Variants in D2HGDH observed in about 807,000 individuals in gnomAD.
The protein encoded by D2HGDH is D-2-hydroxyglutarate dehydrogenase, also known as D-2-hydroxyglutarate dehydrogenase, mitochondrial.
In D2HGDH, 31 loss-of-function variants were observed where a neutral mutation model predicts 46.9. That is an observed-to-expected ratio of 0.66 (90% confidence interval 0.50 to 0.89). D2HGDH has a LOEUF of 0.89. Among genes scored for constraint, D2HGDH ranks in the 40% least tolerant of loss-of-function variants. The pLI is 0.00. For missense variants in D2HGDH, 698 were observed against 720.8 expected (o/e 0.97, Z 0.36); for synonymous variants, 364 against 332.6 (o/e 1.09, Z -1.03).
chr2:241,758,432 C>A (rs183246386), intron 9 of D2HGDH, among the ~76,000 whole-genome samples: 2 of 152,032 alleles, frequency 1.3e-5, no homozygotes, highest in Admixed American at 6.6e-5. Flanking sequence ...TAAAGTTGTT[C>A]GAATATTCTT....
chr2:241,755,067 G>A (rs770005647), intron 8 of D2HGDH: 1 of 1,302,886 alleles, frequency 7.7e-7, no homozygotes, highest in South Asian at 1.2e-5. Flanking sequence ...GAAGTTCGAA[G>A]CAAGCAAAAG....
Position 241,744,699 on chromosome 2 carries a change from T to G in D2HGDH, c.685-10T>G, listed in dbSNP as rs1276644163. On this transcript the variant is annotated splice_polypyrimidine_tract_variant and intron_variant, in intron 5 of 9. Transcript: ENST00000321264. ...GGCAGGTGGGTGAACGTGCTTCTCTTTGCCCCAAGGTGCTGGCCGACGGCA... is the reference window on the plus strand; with the variant it reads ...GGCAGGTGGGTGAACGTGCTTCTCTGTGCCCCAAGGTGCTGGCCGACGGCA... The G allele has an allele frequency of 5.0e-6, 8 of 1,614,078 alleles. No individual in the cohort carries two copies. The highest frequency in any genetic ancestry group is 6.8e-6 in the Non-Finnish European group (8 of 1,180,034).
At chr2:241,739,372 C>G (rs189603765) in intron 2 of D2HGDH, among the ~76,000 whole-genome samples, 1 of 152,292 alleles carries the variant, frequency 6.6e-6, no homozygotes, top group Admixed American at 6.5e-5. Context: ...GGGACAGGGA[C>G]GCAGTGAGCG....
At chr2:241,751,154 G>A (rs1211191783) in intron 7 of D2HGDH, 92 bp from the exon 8 acceptor site, 2 of 1,565,772 alleles carry the variant, frequency 1.3e-6, no homozygotes, top group African/African-American at 2.7e-5. Flanking sequence ...AAGATCAGTG[G>A]TTGCTATTAC....
chr2:241,734,931 C>G (rs1041698789), intron 1 of D2HGDH: 27 of 377,546 alleles, frequency 7.2e-5, no homozygotes, highest in Non-Finnish European at 1.3e-4. Context: ...CCCGGCGAGG[C>G]CGCCCCGAGC....
rs1188156075 is a variant in D2HGDH at position 241,742,816 on chromosome 2, T to C, written c.490+242T>C. On this transcript the variant is annotated intron_variant, in intron 4 of 9. Coordinates refer to ENST00000321264, the MANE Select transcript of D2HGDH (RefSeq NM_152783.5). The surrounding 1 kb of genome is among the most constrained non-coding windows in gnomAD (Gnocchi z 4.8). ...CCGACTCCATCCCGCTCTAGAGGTG[T>C]GTGAGGTGCAGAGTGGCATGTGTGA... 6.6e-6 allele frequency among the ~76,000 whole-genome samples: 1 copy of C among 152,168 alleles called. No individual in the cohort carries two copies. Among genetic ancestry groups the C allele is most frequent in the African/African-American group, 2.4e-5 (1 of 41,460 alleles).
intron 9 of D2HGDH, among the ~76,000 whole-genome samples, chr2:241,761,607 A>G (rs777807539): frequency 7.9e-5 from 12 of 151,998 alleles, no homozygotes; most frequent in Non-Finnish European, 1.6e-4. Context: ...CCTGTCAGAG[A>G]CTCGAGCATC....
chr2:241,758,813 A>G (rs1698456090), intron 9 of D2HGDH, among the ~76,000 whole-genome samples: 2 of 63,936 alleles, frequency 3.1e-5, no homozygotes, highest in African/African-American at 4.9e-5. Flanking sequence ...GTGTGTGTGT[A>G]GAGCCAGACT....
chr2:241,755,787 C>G, intron 8 of D2HGDH, 62 bp from the exon 9 acceptor site: 1 of 1,610,754 alleles, frequency 6.2e-7, no homozygotes, highest in Non-Finnish European at 8.5e-7. Flanking sequence ...GTGTGGTGTG[C>G]CCCCTGTCCC....
intron 9 of D2HGDH, among the ~76,000 whole-genome samples, chr2:241,758,767 A>ATGTGTGTGTGTGTGTGTGTGTGTGTG (rs768590214): frequency 2.8e-5 from 3 of 106,140 alleles, no homozygotes; most frequent in African/African-American, 9.0e-5. Context: ...GCCCCACAAT[A>ATGTGTGTGTGTGTGTGTGTGTGTGTG]TATGTGTGTG....
chr2:241,752,549 T>C (rs1697432392), intron 8 of D2HGDH, among the ~76,000 whole-genome samples: 1 of 151,992 alleles, frequency 6.6e-6, no homozygotes, highest in Admixed American at 6.6e-5. Flanking sequence ...CTGCATGTGC[T>C]CCTGTGGCTT....
Position 241,735,275 on chromosome 2 carries a change from T to C in D2HGDH, c.51T>C (p.Ala17=). The C allele has an allele frequency of 1.3e-6, 2 of 1,521,830 alleles. No homozygotes were observed. The highest frequency in any genetic ancestry group is 1.8e-6 in the Non-Finnish European group (2 of 1,142,032). The allele number at this position is 1,521,830 out of a possible 1,614,324, so 94.3% of individuals were successfully genotyped here. A position where few individuals can be genotyped will look rare whatever the true frequency, so the allele number is the denominator to read the frequency against. ...LAWPAWLLRG[A]PGAAGSWGRP... is the part of the protein sequence containing the mutation. ...GGCCCGCGTGGCTGTTGCGGGGTGC[T>C]CCGGGAGCCGCGGGTTCTTGGGGTC... The change falls in exon 2 of 10, where the codon GCT becomes GCC. Residue 17 remains alanine, a synonymous_variant. Coordinates refer to ENST00000321264, the MANE Select transcript of D2HGDH (RefSeq NM_152783.5).
In D2HGDH at chr2:241,743,182, C is replaced by T. The variant is rs1021209826; in HGVS notation, c.491-440C>T. ...GGAGCTGGGCCTCTCCCCGCAAGGC[C>T]GGGCTCCAGGCCCCGGTCACTCTGT... On this transcript the variant is annotated intron_variant, in intron 4 of 9. Coordinates refer to ENST00000321264, the MANE Select transcript of D2HGDH (RefSeq NM_152783.5). This position sits in a 1 kb window ranked among gnomAD's most constrained non-coding sequence, Gnocchi z 4.8. 2.0e-5 allele frequency among the ~76,000 whole-genome samples: 3 copies of T among 152,196 alleles called. No individual in the cohort carries two copies. Among genetic ancestry groups the T allele is most frequent in the Non-Finnish European group, 1.5e-5 (1 of 68,018 alleles).
intron 8 of D2HGDH, chr2:241,754,984 C>G (rs112802682): frequency 0.069 from 86,119 of 1,244,608 alleles, 4,342 homozygotes; most frequent in African/African-American, 0.21. Context: ...TAGGACCCTG[C>G]AGGGGAGAGG....
intron 9 of D2HGDH, among the ~76,000 whole-genome samples, chr2:241,762,653 G>A (rs1012356170): frequency 2.0e-5 from 3 of 152,060 alleles, no homozygotes; most frequent in Admixed American, 2.0e-4. Flanking sequence ...CCAGGGTCCC[G>A]CCTCTCAGGT....
At chr2:241,755,789 C>T in intron 8 of D2HGDH, 60 bp from the exon 9 acceptor site, 3 of 1,611,386 alleles carry the variant, frequency 1.9e-6, no homozygotes, top group African/African-American at 1.3e-5. Flanking sequence ...GTGGTGTGCC[C>T]CCTGTCCCCG....
chr2:241,750,380 G>GGGCGGGGGGTGCCCA (rs1696949462), intron 7 of D2HGDH, 86 bp downstream of exon 7: 1 of 1,532,852 alleles, frequency 6.5e-7, no homozygotes, highest in African/African-American at 1.4e-5. Context: ...GACCCCGGGT[G>GGGCGGGGGGTGCCCA]GGCGGGGGGT....
At chr2:241,741,130 G>A in intron 3 of D2HGDH, 40 bp downstream of exon 3, 1 of 1,592,704 alleles carries the variant, frequency 6.3e-7, no homozygotes, top group Non-Finnish European at 8.6e-7. Context: ...CTTCCCTGTT[G>A]CCTGTGGGTC....
rs1412189399 is a variant in D2HGDH, at chr2:241,735,204, G to A, written c.-21G>A. 2.7e-6 allele frequency: 4 copies of A among 1,504,478 alleles called. No homozygotes were observed. Among genetic ancestry groups the A allele is most frequent in the Non-Finnish European group, 1.8e-6 (2 of 1,135,106 alleles). The allele number at this position is 1,504,478 out of a possible 1,614,324, so 93.2% of individuals were successfully genotyped here. ...CCGGCCCCCCACCAAGGAGGAGCCC[G>A]AGGTCTCCGTCCCGGCGGCGATGCT... On this transcript the variant is annotated 5_prime_UTR_variant, in exon 2 of 10. Coordinates refer to ENST00000321264, the MANE Select transcript of D2HGDH (RefSeq NM_152783.5).
Sources: gnomAD v4.1 joint callset for allele counts (sites outside exome capture counted in the v4.1 genomes callset) on GRCh38, gnomAD v4.1.1 for gene constraint, Gnocchi (gnomAD v3.1) non-coding constraint, MANE v1.5 for transcripts, NCBI Gene and HGNC (gene_info 2026-07-23, HGNC 2026-07-21) for gene names.